ZNF670: variants seen among roughly 807,000 people sequenced by gnomAD.
ZNF670 encodes zinc finger protein 670.
In ZNF670, 7 loss-of-function variants were observed where a neutral mutation model predicts 10.9. The ratio of observed to expected loss-of-function variants is 0.64; its 90% CI spans 0.36 to 1.20. ZNF670 has a LOEUF of 1.20. ZNF670 is among the 50% of genes most tolerant of loss of function. The probability of loss-of-function intolerance (pLI) is 0.02; values close to 1 mark genes in which losing one functional copy is unlikely to be tolerated. For missense variants in ZNF670, 446 were observed against 458.6 expected (o/e 0.97, Z 0.25); for synonymous variants, 136 against 152.7 (o/e 0.89, Z 0.81).
At chr1:247,056,008 C>A (rs1054757957) in intron 1 of ZNF670, among the ~76,000 whole-genome samples, 1 of 150,790 alleles carries the variant, frequency 6.6e-6, no homozygotes, top group Non-Finnish European at 1.5e-5. Flanking sequence ...CTGAAGCACT[C>A]AGATATATAA....
intron 1 of ZNF670, among the ~76,000 whole-genome samples, chr1:247,068,456 A>C (rs1289765420): frequency 1.3e-5 from 2 of 150,746 alleles, no homozygotes; most frequent in African/African-American, 5.0e-5. Flanking sequence ...AAACTACAAT[A>C]GGATATCATC....
intron 1 of ZNF670, among the ~76,000 whole-genome samples, chr1:247,075,288 A>T (rs973453815): frequency 5.9e-5 from 9 of 152,244 alleles, no homozygotes; most frequent in African/African-American, 2.2e-4. Context: ...AGGGTTATCC[A>T]CTGTTATAAA....
chr1:247,037,482 G>A lies in ZNF670; in HGVS notation c.1137C>T (p.Ser379=). The change falls in exon 4 of 4, where the codon TCC becomes TCT. Residue 379 remains serine (S), a synonymous_variant. Coordinates refer to ENST00000366503, the MANE Select transcript of ZNF670 (RefSeq NM_033213.5). ...KCGKAFSCSS[S]LRKHERAYMW ...TATAAGCTCTTTCATGCTTTCGAAG[G>A]GAACTGGAACAACTGAAGGCTTTAC... 1 of 1,611,758 alleles carries A rather than the reference G, an allele frequency of 6.2e-7. No homozygotes were observed. The highest frequency in any genetic ancestry group is 8.5e-7 in the Non-Finnish European group (1 of 1,179,266).
At chr1:247,069,113 T>C (rs1671059242) in intron 1 of ZNF670, among the ~76,000 whole-genome samples, 1 of 150,804 alleles carries the variant, frequency 6.6e-6, no homozygotes, top group South Asian at 2.1e-4. Context: ...AAAAAAGACA[T>C]ACTATTTGAT....
intron 1 of ZNF670, among the ~76,000 whole-genome samples, chr1:247,061,565 C>T (rs1291999012): frequency 6.6e-6 from 1 of 152,054 alleles, no homozygotes; most frequent in African/African-American, 2.4e-5. Context: ...ATACATTATA[C>T]ATCAAAGTAT....
At chr1:247,043,226 G>A in intron 1 of ZNF670, 1 of 695,886 alleles carries the variant, frequency 1.4e-6, no homozygotes, top group Non-Finnish European at 2.7e-6. Context: ...ACACAGCACT[G>A]AAGGAGGACT....
In ZNF670 at chr1:247,038,511, G is replaced by A. The variant is rs891431611; in HGVS notation, c.192-84C>T. ...ATACCATGGAAAATGCAAGTTTCCTGCCATATCTAAATTGTTTTAAAGTAA... is the reference window on the plus strand; with the variant it reads ...ATACCATGGAAAATGCAAGTTTCCTACCATATCTAAATTGTTTTAAAGTAA... On this transcript the variant is annotated intron_variant, in intron 3 of 3. Coordinates refer to ENST00000366503, the MANE Select transcript of ZNF670 (RefSeq NM_033213.5). The A allele has an allele frequency of 4.9e-5, 66 of 1,357,278 alleles. No homozygotes were observed. In the African/African-American group the frequency reaches 9.2e-4, roughly 19 times the overall value. 84.1% of individuals were successfully genotyped at this position (1,357,278 alleles called of 1,614,324 possible).
intron 1 of ZNF670, among the ~76,000 whole-genome samples, chr1:247,040,886 G>A (rs895852406): frequency 1.3e-5 from 2 of 152,052 alleles, no homozygotes; most frequent in Non-Finnish European, 2.9e-5. Flanking sequence ...GTAGAGACAG[G>A]GTTTCACCAT....
In ZNF670 at chr1:247,035,206, C is replaced by T. The variant is rs977836132; in HGVS notation, c.*2243G>A. Among the ~76,000 whole-genome samples, 5 of 152,176 alleles carry T rather than the reference C, an allele frequency of 3.3e-5. No individual in the cohort carries two copies. The highest frequency in any genetic ancestry group is 9.7e-5 in the African/African-American group (4 of 41,442). On this transcript the variant is annotated 3_prime_UTR_variant, in exon 4 of 4. Coordinates refer to ENST00000366503, the MANE Select transcript of ZNF670 (RefSeq NM_033213.5). ...TGGTAATGCCAATTGTTTTCACAGTCTCATGGGTGACAGGAAAAATTAGGA... is the reference window on the plus strand; with the variant it reads ...TGGTAATGCCAATTGTTTTCACAGTTTCATGGGTGACAGGAAAAATTAGGA...
chr1:247,038,307 T>G lies in ZNF670; in HGVS notation c.312A>C (p.Glu104Asp), dbSNP rs751797754. 5.0e-6 allele frequency: 8 copies of G among 1,614,228 alleles called. No individual in the cohort carries two copies. In the Admixed American group the frequency reaches 8.3e-5, roughly 17 times the overall value. ...KKVSTGVKPC[E>D]CSVCGKVFIC... ...TGAAGACTTTTCCACACACACTGCATTCACATGGCTTTACTCCAGTAGAAA... is the reference window on the plus strand; with the variant it reads ...TGAAGACTTTTCCACACACACTGCAGTCACATGGCTTTACTCCAGTAGAAA... The change falls in exon 4 of 4, where the codon GAA (glutamate) becomes GAC (aspartate). Residue 104 changes from glutamate to aspartate, a missense_variant. By Grantham distance (45) the Glu-to-Asp change is conservative. Coordinates refer to ENST00000366503, the MANE Select transcript of ZNF670 (RefSeq NM_033213.5).
intron 1 of ZNF670, among the ~76,000 whole-genome samples, chr1:247,065,218 C>G (rs1670954033): frequency 6.6e-6 from 1 of 152,178 alleles, no homozygotes; most frequent in Non-Finnish European, 1.5e-5. Flanking sequence ...AAAGGAGTTA[C>G]AAGGGAAGAA....
At chr1:247,050,842 G>A (rs913358676) in intron 1 of ZNF670, among the ~76,000 whole-genome samples, 3 of 152,024 alleles carry the variant, frequency 2.0e-5, no homozygotes, top group East Asian at 1.9e-4. Flanking sequence ...TACATTCAAC[G>A]TTAGCATTGA....
At chr1:247,050,805 C>G (rs1328824262) in intron 1 of ZNF670, among the ~76,000 whole-genome samples, 1 of 152,010 alleles carries the variant, frequency 6.6e-6, no homozygotes, top group Non-Finnish European at 1.5e-5. Context: ...CATTTTGTAT[C>G]TTTTAAGTGG....
Position 247,078,785 on chromosome 1 carries a change from C to T in ZNF670, c.-189G>A. ...GCCGCGCCAGGTCCCGGAAGCTGCT[C>T]CCTCCTTTCGCGGCGCGCTTGAGAG... is the stretch of plus-strand genomic sequence containing the variant. On this transcript the variant is annotated 5_prime_UTR_variant, in exon 1 of 4. Coordinates refer to ENST00000366503, the MANE Select transcript of ZNF670 (RefSeq NM_033213.5). The T allele has an allele frequency of 3.2e-6, 2 of 623,858 alleles. No homozygotes were observed. The highest frequency in any genetic ancestry group is 5.6e-6 in the Non-Finnish European group (2 of 359,514). 38.6% of individuals were successfully genotyped at this position (623,858 alleles called of 1,614,324 possible).
rs540708067 is a variant in ZNF670 at position 247,059,907 on chromosome 1, T to C, written c.3+18687A>G. Among the ~76,000 whole-genome samples the C allele has an allele frequency of 1.4e-3, 220 of 152,278 alleles. 2 individuals carry two copies. The highest frequency in any genetic ancestry group is 4.9e-3 in the African/African-American group (204 of 41,584). On this transcript the variant is annotated intron_variant, in intron 1 of 3. Transcript: ENST00000366503. ...AAATTTAAAAACACAACAGCACTTA[T>C]ATAGCACCCAGTAAAAAGAAAGACC... is the stretch of plus-strand genomic sequence containing the variant.
rs773146209 is a variant in ZNF670 at position 247,037,465 on chromosome 1, C to G, written c.1154G>C (p.Arg385Thr). ...TGTTGTTTTTTACCACATATAAGCT[C>G]TTTCATGCTTTCGAAGGGAACTGGA... ...SCSSSLRKHE[R>T]AYMW The change falls in exon 4 of 4, where the codon AGA becomes ACA. Residue 385 changes from arginine to threonine, a missense_variant. Coordinates refer to ENST00000366503, the MANE Select transcript of ZNF670 (RefSeq NM_033213.5). 54 of 1,609,912 alleles carry G rather than the reference C, an allele frequency of 3.4e-5. No homozygotes were observed. Among genetic ancestry groups the G allele is most frequent in the Non-Finnish European group, 4.2e-5 (50 of 1,178,672 alleles).
At chr1:247,045,040 A>G (rs1187425097) in intron 1 of ZNF670, among the ~76,000 whole-genome samples, 1 of 152,210 alleles carries the variant, frequency 6.6e-6, no homozygotes, top group Non-Finnish European at 1.5e-5. Context: ...CCATTAAAGA[A>G]CTGAGTTCCC....
At chr1:247,064,829 G>A (rs1304047883) in intron 1 of ZNF670, among the ~76,000 whole-genome samples, 3 of 151,820 alleles carry the variant, frequency 2.0e-5, no homozygotes, top group Non-Finnish European at 4.4e-5. Flanking sequence ...ATTTTTGACT[G>A]GGTCTCACTC....
intron 1 of ZNF670, among the ~76,000 whole-genome samples, chr1:247,064,424 C>T (rs1408760118): frequency 4.6e-5 from 7 of 152,200 alleles, no homozygotes; most frequent in Non-Finnish European, 1.0e-4. Flanking sequence ...GAAATGTGAT[C>T]AGATGTGGGG....
Sources: allele counts gnomAD v4.1 joint callset (sites outside exome capture counted in the v4.1 genomes callset), GRCh38; gene constraint gnomAD v4.1.1; transcripts MANE v1.5; gene names NCBI Gene and HGNC (gene_info 2026-07-23, HGNC 2026-07-21).